MYOM3: variants seen among roughly 807,000 people sequenced by gnomAD.
MYOM3 encodes myomesin-3.
MYOM3 carries 155 observed loss-of-function variants against 191.7 expected under a neutral mutation model. The observed-to-expected ratio is 0.81, with a 90% CI of 0.71 to 0.92. The LOEUF (loss-of-function observed/expected upper bound fraction) is 0.92, where lower values mean the gene tolerates loss of function less well. MYOM3 is among the 40% of genes least tolerant of loss of function. The pLI is 0.00. For missense variants in MYOM3, 1,889 were observed against 1,890.6 expected, an observed-to-expected ratio of 1.00 and a Z score of 0.02; for synonymous variants, 757 against 762.9, an observed-to-expected ratio of 0.99 and a Z score of 0.13.
In MYOM3 at chr1:24,082,562, G is replaced by T. The variant is rs546876701; in HGVS notation, c.2092+31C>A. On this transcript the variant is annotated intron_variant, in intron 17 of 36. Transcript: ENST00000374434. ...CCAGCTCCCTGCCCAGCCCAGGGAG[G>T]TTTGCAGGCTGGACCTGCCCTTGGA... 3.5e-5 allele frequency: 55 copies of T among 1,550,728 alleles called. No homozygotes were observed. The East Asian group carries it at 1.2e-3, about 33-fold the overall frequency.
intron 22 of MYOM3, among the ~76,000 whole-genome samples, chr1:24,074,888 A>G (rs926170551): frequency 6.6e-6 from 1 of 152,096 alleles, no homozygotes; most frequent in African/African-American, 2.4e-5. Flanking sequence ...AGTTAGAGAC[A>G]AGCCTAGACA....
chr1:24,094,365 T>C (rs529798865), intron 9 of MYOM3, among the ~76,000 whole-genome samples: 1 of 151,770 alleles, frequency 6.6e-6, no homozygotes, highest in South Asian at 2.1e-4. Flanking sequence ...AAAGATGGGG[T>C]TTTGCCATGT....
rs1157539958 is a variant in MYOM3 at position 24,071,370 on chromosome 1, T to C, written c.3014-117A>G. 1.2e-5 allele frequency: 14 copies of C among 1,217,394 alleles called. No individual in the cohort carries two copies. The East Asian group carries it at 3.1e-4, about 27-fold the overall frequency. The allele number at this position is 1,217,394 out of a possible 1,614,324, so 75.4% of individuals were successfully genotyped here. A position where few individuals can be genotyped will look rare whatever the true frequency, so the allele number is the denominator to read the frequency against. On this transcript the variant is annotated intron_variant, in intron 24 of 36. Transcript: ENST00000374434. ...TGACATGCAAAACCTTTAGAGAACC[T>C]GAAGGAGACTGTACTGGGTGGGGCT...
At chr1:24,070,335 G>A (rs1430509656) in intron 25 of MYOM3, among the ~76,000 whole-genome samples, 1 of 151,938 alleles carries the variant, frequency 6.6e-6, no homozygotes, top group Non-Finnish European at 1.5e-5. Context: ...TAGTAACATT[G>A]CACACTTTGG....
chr1:24,103,476 C>G (rs1643957090), intron 5 of MYOM3, among the ~76,000 whole-genome samples: 1 of 152,178 alleles, frequency 6.6e-6, no homozygotes, highest in Admixed American at 6.5e-5. Context: ...GAAAGTAACA[C>G]TTATAATGGA....
chr1:24,072,135 C>T, intron 23 of MYOM3, 122 bp from the exon 24 acceptor site: 2 of 940,036 alleles, frequency 2.1e-6, no homozygotes, highest in South Asian at 2.7e-5. Flanking sequence ...GACACCTCCC[C>T]CGACCTTGGG....
At chr1:24,062,677 T>G (rs1643384782) in intron 32 of MYOM3, among the ~76,000 whole-genome samples, 1 of 152,116 alleles carries the variant, frequency 6.6e-6, no homozygotes, top group Non-Finnish European at 1.5e-5. Flanking sequence ...CCACAGACCC[T>G]TTTCCTGCAT....
At chr1:24,065,059 G>A (rs1373448555) in intron 29 of MYOM3, among the ~76,000 whole-genome samples, 2 of 152,192 alleles carry the variant, frequency 1.3e-5, no homozygotes, top group Non-Finnish European at 2.9e-5. Context: ...GATCAAGGGA[G>A]GTAACTCTTA....
Position 24,074,822 on chromosome 1 carries a change from C to T in MYOM3, c.2858+497G>A, listed in dbSNP as rs184241753. ...GCCATTGGCTGAGCGCAGTGGCTCA[C>T]GCCTGTAATCCCAGCCCTTTGGGAG... On this transcript the variant is annotated intron_variant, in intron 22 of 36. Coordinates refer to ENST00000374434, the MANE Select transcript of MYOM3 (RefSeq NM_152372.4). Among the ~76,000 whole-genome samples, 43 of 152,312 alleles carry T rather than the reference C, an allele frequency of 2.8e-4. No individual in the cohort carries two copies. The East Asian group carries it at 7.1e-3, about 25-fold the overall frequency.
At chr1:24,094,760 G>C in intron 9 of MYOM3, 93 bp downstream of exon 9, 3 of 1,264,892 alleles carry the variant, frequency 2.4e-6, no homozygotes, top group Non-Finnish European at 3.3e-6. Context: ...TGGTTGGGGA[G>C]AGTCTCTGTC....
chr1:24,067,095 G>A lies in MYOM3; in HGVS notation c.3356-7C>T, dbSNP rs375986278. 5.7e-5 allele frequency: 89 copies of A among 1,568,606 alleles called. No homozygotes were observed. The highest frequency in any genetic ancestry group is 4.2e-4 in the South Asian group (36 of 85,800). ...GGCCGCTCAAAATAGGGACCTGTGCGTGCAAAACAAATGTGCCCACTGTCA... is the reference window on the plus strand; with the variant it reads ...GGCCGCTCAAAATAGGGACCTGTGCATGCAAAACAAATGTGCCCACTGTCA... On this transcript the variant is annotated splice_polypyrimidine_tract_variant and splice_region_variant and intron_variant, in intron 27 of 36. Coordinates refer to ENST00000374434, the MANE Select transcript of MYOM3 (RefSeq NM_152372.4).
intron 10 of MYOM3, 40 bp downstream of exon 10, chr1:24,092,907 T>C (rs537382477): frequency 1.4e-6 from 2 of 1,460,244 alleles, no homozygotes; most frequent in Admixed American, 5.4e-5. Context: ...CCCTGGTCTC[T>C]GGGCTCCTGC....
rs36077733 is a variant in MYOM3 at position 24,076,185 on chromosome 1, T to G, written c.2675A>C (p.Asp892Ala). The change falls in exon 21 of 37, where the codon GAT (aspartate) becomes GCT (alanine). Residue 892 changes from aspartate (D) to alanine (A), a missense_variant. Transcript: ENST00000374434. ...TGGCTTGTCCTCCAGGAGCACGGGA[T>G]CAGTGGGCATGGACGGTTGCCCCAG... is the stretch of plus-strand genomic sequence containing the variant. ...AGLGQPSMPT[D>A]PVLLEDKPGA... is the part of the protein sequence containing the mutation. The G allele has an allele frequency of 2.2e-3, 3,506 of 1,614,088 alleles. 37 individuals are homozygous for G. In the African/African-American group the frequency reaches 0.027, roughly 12 times the overall value.
rs555635087 is a variant in MYOM3 at position 24,087,942 on chromosome 1, C to T, written c.1615-1115G>A. Among the ~76,000 whole-genome samples the T allele has an allele frequency of 1.3e-5, 2 of 152,254 alleles. No homozygotes were observed. The highest frequency in any genetic ancestry group is 2.4e-5 in the African/African-American group (1 of 41,530). On this transcript the variant is annotated intron_variant, in intron 14 of 36. Transcript: ENST00000374434. The surrounding 1 kb of genome is among the most constrained non-coding windows in gnomAD (Gnocchi z 4.5). ...TGCAGGAAGGTGTTAATTTCTCTGCCGATGAGGAAAGTCAGGTTCAGAGAG... is the reference window on the plus strand; with the variant it reads ...TGCAGGAAGGTGTTAATTTCTCTGCTGATGAGGAAAGTCAGGTTCAGAGAG...
chr1:24,062,858 T>C (rs1222359944), intron 32 of MYOM3, among the ~76,000 whole-genome samples: 1 of 152,080 alleles, frequency 6.6e-6, no homozygotes, highest in Non-Finnish European at 1.5e-5. Context: ...TCCAGAAAAA[T>C]GTTGTCCCGC....
rs548116513 is a variant in MYOM3, at chr1:24,067,891, T to C, written c.3355+79A>G. The C allele has an allele frequency of 6.3e-6, 9 of 1,417,708 alleles. No individual in the cohort carries two copies. In the South Asian group the frequency reaches 9.3e-5, roughly 15 times the overall value. 87.8% of individuals were successfully genotyped at this position (1,417,708 alleles called of 1,614,324 possible). A position where few individuals can be genotyped will look rare whatever the true frequency, so the allele number is the denominator to read the frequency against. ...CCTTGGGGACCCAGCAGGGCTGGGG[T>C]TCCCATTAATCCGCAGTCCAGCATC... On this transcript the variant is annotated intron_variant, in intron 27 of 36. Transcript: ENST00000374434.
intron 15 of MYOM3, 98 bp downstream of exon 15, chr1:24,086,546 C>G: frequency 1.6e-6 from 2 of 1,239,952 alleles, no homozygotes; most frequent in East Asian, 4.8e-5. Flanking sequence ...TAGAAGGGAG[C>G]GGGGACAGGG....
At chr1:24,096,474 C>T (rs1643878910) in intron 7 of MYOM3, among the ~76,000 whole-genome samples, 1 of 152,120 alleles carries the variant, frequency 6.6e-6, no homozygotes, top group Non-Finnish European at 1.5e-5. Flanking sequence ...AGGCAGGGCC[C>T]CAGTCCCTGA....
At chr1:24,094,736 A>G in intron 9 of MYOM3, 117 bp downstream of exon 9, 1 of 1,034,590 alleles carries the variant, frequency 9.7e-7, no homozygotes, top group Non-Finnish European at 1.4e-6. Context: ...TCAGCACTTT[A>G]GCACAGTTGG....
Sources: allele counts gnomAD v4.1 joint callset (sites outside exome capture counted in the v4.1 genomes callset), GRCh38; gene constraint gnomAD v4.1.1; non-coding constraint Gnocchi (gnomAD v3.1); transcripts MANE v1.5; gene names NCBI Gene and HGNC (gene_info 2026-07-23, HGNC 2026-07-21).